DLGAP2: variants seen among roughly 807,000 people sequenced by gnomAD.
The protein encoded by DLGAP2 is disks large-associated protein 2.
A neutral mutation model predicts 100.3 loss-of-function variants in DLGAP2; 26 were observed. That is an observed-to-expected ratio of 0.26 (90% confidence interval 0.19 to 0.36). The LOEUF (loss-of-function observed/expected upper bound fraction) is 0.36, where lower values mean the gene tolerates loss of function less well. Among genes scored for constraint, DLGAP2 ranks in the 10% least tolerant of loss-of-function variants. DLGAP2 has a pLI of 1.00. For synonymous variants in DLGAP2, 886 were observed against 630.1 expected (o/e 1.41, Z -6.08); for missense variants, 1,858 against 1,453.2 (o/e 1.28, Z -4.53).
chr8:1,373,110 T>A (rs943403590), intron 3 of DLGAP2, among the ~76,000 whole-genome samples: 2 of 151,964 alleles, frequency 1.3e-5, no homozygotes, highest in African/African-American at 4.8e-5. Context: ...CCTCCGTGCC[T>A]GGGGGGGCGC....
chr8:750,265 C>G (rs1820757068), intron 1 of DLGAP2, among the ~76,000 whole-genome samples: 1 of 152,246 alleles, frequency 6.6e-6, no homozygotes, highest in African/African-American at 2.4e-5. Context: ...GTGCCGCATC[C>G]TTGCCACACG....
At chr8:1,012,324 G>C (rs1027868529) in intron 2 of DLGAP2, among the ~76,000 whole-genome samples, 1 of 152,220 alleles carries the variant, frequency 6.6e-6, no homozygotes, top group Non-Finnish European at 1.5e-5. Context: ...GACGAAGAAC[G>C]CACTCTCGGA....
At position 1,552,336 on chromosome 8, in the gene DLGAP2, G is replaced by A. The variant is rs79517728; in HGVS notation, c.1230+2653G>A. Among the ~76,000 whole-genome samples, 880 of 152,270 alleles carry A rather than the reference G, an allele frequency of 5.8e-3. 8 individuals are homozygous for A. The highest frequency in any genetic ancestry group is 0.02 in the African/African-American group (819 of 41,550). On this transcript the variant is annotated intron_variant, in intron 5 of 14. Transcript: ENST00000637795. ...GCAAGCTTCCCCCATCCCCACATCC[G>A]CCTCCCAGTGAAACCACCTCTTCGG...
At chr8:1,503,288 TTTCCCCTCCCCAG>T (rs1799788741) in intron 4 of DLGAP2, among the ~76,000 whole-genome samples, 2 of 151,894 alleles carry the variant, frequency 1.3e-5, no homozygotes, top group African/African-American at 4.9e-5. Context: ...ACTCAGTCCC[TTTCCCCTCCCCAG>T]CCCTGGAACC....
At chr8:1,182,889 T>C (rs919481283) in intron 2 of DLGAP2, among the ~76,000 whole-genome samples, 2 of 152,098 alleles carry the variant, frequency 1.3e-5, no homozygotes, top group African/African-American at 4.8e-5. Context: ...GGAGCGGGGC[T>C]CAGGGGCACT....
chr8:1,508,253 C>G, intron 4 of DLGAP2, among the ~76,000 whole-genome samples: 1 of 150,866 alleles, frequency 6.6e-6, no homozygotes, highest in Admixed American at 6.6e-5. Context: ...AGGGCGGTGC[C>G]TGCTCCCGGG....
intron 2 of DLGAP2, among the ~76,000 whole-genome samples, chr8:1,024,178 G>C (rs75628569): frequency 1.3e-5 from 1 of 78,652 alleles, no homozygotes; most frequent in African/African-American, 3.0e-5. Context: ...CCCTCCCTGG[G>C]GGTGGACAGT....
chr8:1,357,401 C>CTTT lies in DLGAP2; in HGVS notation c.106+98530_106+98532dup, dbSNP rs5888828. ...CCTGATGCATCTGTTGGTGCCAAAT[C>CTTT]TTTTTTTTTTTTTTGTAGCTTTTTA... On this transcript the variant is annotated intron_variant, in intron 3 of 14. Coordinates refer to ENST00000637795, the MANE Select transcript of DLGAP2 (RefSeq NM_001346810.2). Among the ~76,000 whole-genome samples the CTTT allele has an allele frequency of 5.2e-3, 746 of 144,574 alleles. 4 individuals are homozygous for CTTT. Among genetic ancestry groups the CTTT allele is most frequent in the African/African-American group, 0.014 (531 of 39,302 alleles). 94.8% of individuals were successfully genotyped at this position (144,574 alleles called of 152,430 possible). A position where few individuals can be genotyped will look rare whatever the true frequency, so the allele number is the denominator to read the frequency against.
intron 1 of DLGAP2, among the ~76,000 whole-genome samples, chr8:900,456 TTTTGG>T (rs1164916628): frequency 2.6e-5 from 4 of 152,182 alleles, no homozygotes; most frequent in Non-Finnish European, 5.9e-5. Flanking sequence ...CTGGTGTTCA[TTTTGG>T]TTACACCTTG....
chr8:801,421 G>A (rs981477082), intron 1 of DLGAP2, among the ~76,000 whole-genome samples: 14 of 152,234 alleles, frequency 9.2e-5, no homozygotes, highest in African/African-American at 1.2e-4. Flanking sequence ...CCACTCTTAT[G>A]CTAAAGTCTT....
chr8:1,385,772 C>G (rs1481245048), intron 3 of DLGAP2, among the ~76,000 whole-genome samples: 1 of 149,754 alleles, frequency 6.7e-6, no homozygotes, highest in Admixed American at 6.7e-5. Context: ...CCCCTGAGAA[C>G]TTGGTGCACA....
intron 2 of DLGAP2, among the ~76,000 whole-genome samples, chr8:1,051,525 G>T (rs73180675): frequency 6.6e-6 from 1 of 152,162 alleles, no homozygotes; most frequent in Non-Finnish European, 1.5e-5. Flanking sequence ...GATGACATAC[G>T]CAGAGTATTT....
chr8:1,288,893 G>C (rs1217221433), intron 3 of DLGAP2, among the ~76,000 whole-genome samples: 1 of 152,124 alleles, frequency 6.6e-6, no homozygotes, highest in Non-Finnish European at 1.5e-5. Flanking sequence ...AATGAATTCA[G>C]TTGCTCGGCT....
intron 2 of DLGAP2, among the ~76,000 whole-genome samples, chr8:1,131,734 A>T (rs2129049183): frequency 6.6e-6 from 1 of 152,150 alleles, no homozygotes; most frequent in East Asian, 1.9e-4. Context: ...TTCTGGTAAG[A>T]TATGCTGTGT....
Position 1,598,492 on chromosome 8 carries a change from C to A in DLGAP2, c.1443-28248C>A, listed in dbSNP as rs190679897. Among the ~76,000 whole-genome samples the A allele has an allele frequency of 5.9e-4, 90 of 152,268 alleles. 1 individual carries two copies. Among genetic ancestry groups the A allele is most frequent in the Middle Eastern group, 6.8e-3 (2 of 294 alleles). ...GAATTTGGCTGTGAATCCATCTGATCCTGGGCTTTTTTTTGTTGGTAGGCT... is the reference window on the plus strand; with the variant it reads ...GAATTTGGCTGTGAATCCATCTGATACTGGGCTTTTTTTTGTTGGTAGGCT... On this transcript the variant is annotated intron_variant, in intron 6 of 14. Transcript: ENST00000637795.
chr8:916,288 C>T (rs1489380828), intron 2 of DLGAP2, among the ~76,000 whole-genome samples: 2 of 152,180 alleles, frequency 1.3e-5, no homozygotes, highest in African/African-American at 4.8e-5. Context: ...TGATGTCACT[C>T]ATGAAACCAT....
chr8:1,074,556 G>C (rs1180549913), intron 2 of DLGAP2, among the ~76,000 whole-genome samples: 1 of 152,170 alleles, frequency 6.6e-6, no homozygotes, highest in Admixed American at 6.5e-5. Context: ...CCTGGCTCAG[G>C]GGCTTCTCCA....
intron 1 of DLGAP2, among the ~76,000 whole-genome samples, chr8:801,224 A>C (rs553062683): frequency 6.6e-6 from 1 of 152,224 alleles, no homozygotes; most frequent in African/African-American, 2.4e-5. Flanking sequence ...GCCGCAAAGC[A>C]ATAATTATGA....
rs564358605 is a variant in DLGAP2, at chr8:1,207,822, G to A, written c.74-51029G>A. ...TTGCACGTCCTTGATAATTAATGAT[G>A]TTGAGCATTTTTTCCATATGTTTGT... is the stretch of plus-strand genomic sequence containing the variant. On this transcript the variant is annotated intron_variant, in intron 2 of 14. Transcript: ENST00000637795. Among the ~76,000 whole-genome samples the A allele has an allele frequency of 6.6e-5, 10 of 152,204 alleles. No individual in the cohort carries two copies. In the South Asian group the frequency reaches 2.1e-3, roughly 32 times the overall value.
Sources: allele counts gnomAD v4.1 joint callset (sites outside exome capture counted in the v4.1 genomes callset), GRCh38; gene constraint gnomAD v4.1.1; transcripts MANE v1.5; gene names NCBI Gene and HGNC (gene_info 2026-07-23, HGNC 2026-07-21).